The following CEP128 variants were observed in gnomAD, a reference collection of about 807,000 sequenced individuals.
CEP128 encodes centrosomal protein 128kDa.
CEP128 carries 132 observed loss-of-function variants against 156.7 expected under a neutral mutation model. The ratio of observed to expected loss-of-function variants is 0.84; its 90% CI spans 0.73 to 0.97. CEP128 has a LOEUF of 0.97. Among genes scored for constraint, CEP128 ranks in the 50% least tolerant of loss-of-function variants. CEP128 has a pLI of 0.00. For synonymous variants in CEP128, 469 were observed against 448.9 expected, an observed-to-expected ratio of 1.04 and a Z score of -0.57; for missense variants, 1,252 against 1,281.9, an observed-to-expected ratio of 0.98 and a Z score of 0.36.
intron 7 of CEP128, among the ~76,000 whole-genome samples, chr14:80,897,672 T>C (rs115161696): frequency 0.079 from 12,062 of 152,212 alleles, 521 homozygotes; most frequent in African/African-American, 0.1. Flanking sequence ...CCAAAAACAG[T>C]ATCTTCAAAC....
At chr14:80,591,738 C>G (rs1892079735) in intron 19 of CEP128, among the ~76,000 whole-genome samples, 1 of 152,082 alleles carries the variant, frequency 6.6e-6, no homozygotes, top group East Asian at 1.9e-4. Context: ...ATTTCTAAAA[C>G]TGACCACATA....
At chr14:80,572,411 T>C (rs1201084858) in intron 20 of CEP128, among the ~76,000 whole-genome samples, 1 of 152,186 alleles carries the variant, frequency 6.6e-6, no homozygotes, top group Non-Finnish European at 1.5e-5. Context: ...ACTATAGTCA[T>C]TACCCAGAAT....
intron 19 of CEP128, among the ~76,000 whole-genome samples, chr14:80,679,815 T>C (rs867388610): frequency 1.3e-5 from 2 of 152,228 alleles, no homozygotes; most frequent in South Asian, 2.1e-4. Context: ...AATAAAAACC[T>C]GCTGGTTTTG....
chr14:80,951,535 A>C (rs1886465293), intron 2 of CEP128, among the ~76,000 whole-genome samples: 1 of 152,152 alleles, frequency 6.6e-6, no homozygotes, highest in Non-Finnish European at 1.5e-5. Flanking sequence ...TCAGCAAAGA[A>C]GATAAAACGG....
intron 14 of CEP128, among the ~76,000 whole-genome samples, chr14:80,791,816 C>T (rs1901720511): frequency 6.6e-6 from 1 of 152,124 alleles, no homozygotes; most frequent in Non-Finnish European, 1.5e-5. Context: ...GCATCTTTTC[C>T]ATGACAGCTC....
chr14:80,773,340 C>A (rs1900616096), intron 16 of CEP128, among the ~76,000 whole-genome samples: 1 of 152,036 alleles, frequency 6.6e-6, no homozygotes, highest in East Asian at 1.9e-4. Flanking sequence ...TATATAAATA[C>A]ATCTGCACAA....
chr14:80,653,619 T>A (rs531112252), intron 19 of CEP128, among the ~76,000 whole-genome samples: 39 of 152,276 alleles, frequency 2.6e-4, no homozygotes, highest in African/African-American at 8.9e-4. Flanking sequence ...CAGGCTATCT[T>A]GAGAGGGGCT....
chr14:80,791,818 T>C (rs146860761), intron 14 of CEP128, among the ~76,000 whole-genome samples: 8 of 152,354 alleles, frequency 5.3e-5, no homozygotes, highest in Middle Eastern at 3.4e-3. Flanking sequence ...ATCTTTTCCA[T>C]GACAGCTCAT....
chr14:80,486,690 C>T (rs941669731), downstream of CEP128, among the ~76,000 whole-genome samples: 4 of 152,134 alleles, frequency 2.6e-5, no homozygotes, highest in African/African-American at 9.7e-5. Flanking sequence ...ACTCTACAAG[C>T]CAGAAGAGAG....
At chr14:80,777,691 G>T (rs1189755331) in intron 16 of CEP128, among the ~76,000 whole-genome samples, 191 bp downstream of exon 16, 1 of 152,062 alleles carries the variant, frequency 6.6e-6, no homozygotes, top group Non-Finnish European at 1.5e-5. Context: ...CCCTTCAAAT[G>T]TATTAGAAGC....
At chr14:80,478,950 G>C (rs1566731449) in intron 14 of CEP128, among the ~76,000 whole-genome samples, 1 of 152,166 alleles carries the variant, frequency 6.6e-6, no homozygotes, top group Non-Finnish European at 1.5e-5. Flanking sequence ...AATAAATAGA[G>C]ATAGAACCTC....
chr14:80,500,534 C>T (rs750730604), intron 24 of CEP128, among the ~76,000 whole-genome samples: 10 of 152,188 alleles, frequency 6.6e-5, no homozygotes, highest in Non-Finnish European at 1.5e-4. Flanking sequence ...CTCAGTAACA[C>T]TTGTCTTTGT....
chr14:80,678,831 C>T (rs1024100832), intron 19 of CEP128, among the ~76,000 whole-genome samples: 1 of 152,118 alleles, frequency 6.6e-6, no homozygotes, highest in Non-Finnish European at 1.5e-5. Context: ...AATTTGGGTC[C>T]ATGTTGTGGG....
intron 19 of CEP128, among the ~76,000 whole-genome samples, chr14:80,714,419 G>A (rs1450081761): frequency 6.6e-6 from 1 of 152,124 alleles, no homozygotes; most frequent in Non-Finnish European, 1.5e-5. Flanking sequence ...AAGGGAGGCT[G>A]TGGCTAAAAG....
intron 13 of CEP128, among the ~76,000 whole-genome samples, chr14:80,821,592 TACACACATACACAC>T (rs1304019320): frequency 2.5e-5 from 2 of 80,024 alleles, no homozygotes; most frequent in East Asian, 7.0e-4. Flanking sequence ...GTCACACACA[TACACACATACACAC>T]ACACACACAC....
chr14:80,737,175 G>T (rs141122246), intron 19 of CEP128, among the ~76,000 whole-genome samples: 2,486 of 152,308 alleles, frequency 0.016, 24 homozygotes, highest in Non-Finnish European at 0.025. Context: ...GGAGGCCGAG[G>T]CGGGTGGATC....
intron 19 of CEP128, among the ~76,000 whole-genome samples, chr14:80,653,880 G>A (rs536961274): frequency 6.6e-6 from 1 of 152,250 alleles, no homozygotes; most frequent in South Asian, 2.1e-4. Flanking sequence ...AGTGAATATA[G>A]TACTAAAAGA....
chr14:80,729,836 T>C (rs565317184), intron 19 of CEP128, among the ~76,000 whole-genome samples: 1 of 152,280 alleles, frequency 6.6e-6, no homozygotes, highest in Non-Finnish European at 1.5e-5. Flanking sequence ...AACACCATTA[T>C]GATAAACACA....
intron 18 of CEP128, among the ~76,000 whole-genome samples, chr14:80,746,510 T>C (rs1057004299): frequency 6.6e-6 from 1 of 152,206 alleles, no homozygotes; most frequent in Non-Finnish European, 1.5e-5. Flanking sequence ...TACCAACAAA[T>C]GGTGCTAGGA....
Sources: gnomAD v4.1 joint callset for allele counts (sites outside exome capture counted in the v4.1 genomes callset) on GRCh38, gnomAD v4.1.1 for gene constraint, MANE v1.5 for transcripts, NCBI Gene and HGNC (gene_info 2026-07-23, HGNC 2026-07-21) for gene names.